Variants in CREBBP observed in about 807,000 individuals in gnomAD.
CREBBP encodes CREB-binding protein.
In CREBBP, 19 loss-of-function variants were observed where a neutral mutation model predicts 265.0. The observed-to-expected ratio is 0.07, with a 90% CI of 0.05 to 0.11. The LOEUF is 0.11. CREBBP is among the 10% of genes least tolerant of loss of function. The pLI, the probability that CREBBP is intolerant of heterozygous loss-of-function variation, is 1.00. For synonymous variants in CREBBP, 1,457 were observed against 1,223.7 expected, an observed-to-expected ratio of 1.19 and a Z score of -3.98; for missense variants, 2,525 against 3,219.0, an observed-to-expected ratio of 0.78 and a Z score of 5.22.
chr16:3,727,360 A>T lies in CREBBP; in HGVS notation c.*358T>A. The T allele has an allele frequency of 3.7e-6, 1 of 271,274 alleles. No individual in the cohort carries two copies. 16.8% of individuals were successfully genotyped at this position (271,274 alleles called of 1,614,324 possible). ...TGTTTAAAGTCTTGAAAATACAAAT[A>T]AAAAATATGAATATAATGAACTTGT... On this transcript the variant is annotated 3_prime_UTR_variant, in exon 31 of 31. Coordinates refer to ENST00000262367, the MANE Select transcript of CREBBP (RefSeq NM_004380.3).
chr16:3,735,978 G>A, intron 28 of CREBBP, 58 bp downstream of exon 28: 2 of 1,613,846 alleles, frequency 1.2e-6, no homozygotes, highest in Non-Finnish European at 8.5e-7. Context: ...CTCCCAGCCT[G>A]CCACCCTGCA....
chr16:3,796,634 A>G (rs1381339957), intron 3 of CREBBP, among the ~76,000 whole-genome samples: 39 of 151,964 alleles, frequency 2.6e-4, no homozygotes, highest in Admixed American at 2.6e-3. Context: ...AGACCGGCAC[A>G]CCTCAGCCTC....
rs2151308105 is a variant in CREBBP at position 3,729,242 on chromosome 16, T to G, written c.5805A>C (p.Thr1935=). The change falls in exon 31 of 31, where the codon ACA becomes ACC. Residue 1935 remains threonine (T), a synonymous_variant. Coordinates refer to ENST00000262367, the MANE Select transcript of CREBBP (RefSeq NM_004380.3). ...ARTQPPTTVS[T]GKPTSQVPAP... The stretch of plus-strand genomic sequence containing the variant: ...CCGGCACCTGGCTGGTAGGCTTCCC[T>G]GTGGACACCGTGGTGGGGGGCTGAG... 6.5e-7 allele frequency: 1 copy of G among 1,527,324 alleles called. No homozygotes were observed. The highest frequency in any genetic ancestry group is 8.8e-7 in the Non-Finnish European group (1 of 1,142,644). The allele number at this position is 1,527,324 out of a possible 1,614,324, so 94.6% of individuals were successfully genotyped here. A position where few individuals can be genotyped will look rare whatever the true frequency, so the allele number is the denominator to read the frequency against.
chr16:3,819,689 G>T (rs570280867), intron 2 of CREBBP, among the ~76,000 whole-genome samples: 16 of 152,122 alleles, frequency 1.1e-4, no homozygotes, highest in Non-Finnish European at 2.2e-4. Context: ...AATCATAAGC[G>T]TTTCCAGTTT....
chr16:3,791,811 G>C (rs1422328891), intron 5 of CREBBP, among the ~76,000 whole-genome samples, 170 bp downstream of exon 5: 1 of 152,166 alleles, frequency 6.6e-6, no homozygotes, highest in Non-Finnish European at 1.5e-5. Context: ...CTGACACGGA[G>C]AGCCCGCCTG....
chr16:3,828,978 T>C (rs528944510), intron 2 of CREBBP, among the ~76,000 whole-genome samples: 3 of 152,188 alleles, frequency 2.0e-5, no homozygotes, highest in African/African-American at 7.2e-5. Flanking sequence ...AGAATAAATA[T>C]AGTAATTGTT....
At chr16:3,871,167 T>A (rs940777871) in intron 1 of CREBBP, among the ~76,000 whole-genome samples, 2 of 148,454 alleles carry the variant, frequency 1.3e-5, no homozygotes, top group Non-Finnish European at 3.0e-5. Context: ...AAAAGCCCCT[T>A]TTAGAGATCT....
chr16:3,801,969 C>G (rs1405656600), intron 3 of CREBBP, among the ~76,000 whole-genome samples: 3 of 152,034 alleles, frequency 2.0e-5, no homozygotes, highest in African/African-American at 7.2e-5. Context: ...GCCCACTCAC[C>G]CCACCCATCA....
In CREBBP at chr16:3,731,356, G is replaced by C; in HGVS notation, c.5008C>G (p.Leu1670Val). 1 of 1,613,792 alleles carries C rather than the reference G, an allele frequency of 6.2e-7. No individual in the cohort carries two copies. The highest frequency in any genetic ancestry group is 8.5e-7 in the Non-Finnish European group (1 of 1,179,882). ...AACTCCCAGTGCTTGTCTCTGGCGA[G>C]GGTGAGGAAGGCGTCGCGCCCATCC... ...LMDGRDAFLT[L>V]ARDKHWEFSS... The change falls in exon 30 of 31, where the codon CTC becomes GTC. Residue 1670 changes from leucine to valine, a missense_variant. Coordinates refer to ENST00000262367, the MANE Select transcript of CREBBP (RefSeq NM_004380.3). This position sits in a 1 kb window ranked among gnomAD's most constrained non-coding sequence, Gnocchi z 7.7.
chr16:3,783,897 C>G lies in CREBBP; in HGVS notation c.1331-971G>C, dbSNP rs75101326. Among the ~76,000 whole-genome samples the G allele has an allele frequency of 1.1e-3, 173 of 152,324 alleles. No homozygotes were observed. The East Asian group carries it at 0.021, about 18-fold the overall frequency. On this transcript the variant is annotated intron_variant, in intron 5 of 30. Coordinates refer to ENST00000262367, the MANE Select transcript of CREBBP (RefSeq NM_004380.3). ...CAAACTTGCATCAACTTGGACATTTCAAGGTCAATTCATCTACCCACCTAC... is the reference window on the plus strand; with the variant it reads ...CAAACTTGCATCAACTTGGACATTTGAAGGTCAATTCATCTACCCACCTAC...
At chr16:3,823,957 A>AAC (rs57902688) in intron 2 of CREBBP, among the ~76,000 whole-genome samples, 4,427 of 148,088 alleles carry the variant, frequency 0.03, 190 homozygotes, top group African/African-American at 0.094. Context: ...AGGCTGTGGC[A>AAC]ACACACACAC....
At chr16:3,773,624 G>A in intron 13 of CREBBP, 127 bp downstream of exon 13, 2 of 990,096 alleles carry the variant, frequency 2.0e-6, no homozygotes, top group Non-Finnish European at 3.0e-6. Context: ...AAGAGAAGCT[G>A]ATACAAAGAC....
chr16:3,817,792 G>C (rs1218215566), intron 2 of CREBBP, among the ~76,000 whole-genome samples: 1 of 152,216 alleles, frequency 6.6e-6, no homozygotes, highest in Non-Finnish European at 1.5e-5. Context: ...GGGAGGCAAT[G>C]GGCCAGGCAG....
rs2054814255 is a variant in CREBBP at position 3,850,682 on chromosome 16, G to A, written c.413C>T (p.Ala138Val). 6.2e-7 allele frequency: 1 copy of A among 1,614,130 alleles called. No individual in the cohort carries two copies. The highest frequency in any genetic ancestry group is 8.5e-7 in the Non-Finnish European group (1 of 1,180,048). Residue 138 changes from alanine to valine, a missense_variant, in exon 2 of 31, where the codon GCC (alanine) becomes GTC (valine). Physicochemically the swap from Ala to Val is moderately conservative, Grantham distance 64. Coordinates refer to ENST00000262367, the MANE Select transcript of CREBBP (RefSeq NM_004380.3). ...AGCGGGGGTGGGCCCAGAGGTGCTG[G>A]CTGCCTGTTTAGGCAGGCTGGGGGC... ...SSAPSLPKQA[A>V]STSGPTPAAS...
chr16:3,859,255 C>T (rs143620447), intron 1 of CREBBP, among the ~76,000 whole-genome samples: 2 of 151,870 alleles, frequency 1.3e-5, no homozygotes, highest in Non-Finnish European at 2.9e-5. Context: ...TGCAGTGGCA[C>T]GATCTTGGCT....
chr16:3,781,222 G>T lies in CREBBP; in HGVS notation c.1658C>A (p.Thr553Asn). Residue 553 changes from threonine (T) to asparagine (N), a missense_variant, in exon 7 of 31, where the codon ACT (threonine) becomes AAT (asparagine). Physicochemically the swap from Thr to Asn is moderately conservative, Grantham distance 65 (BLOSUM62 0). Coordinates refer to ENST00000262367, the MANE Select transcript of CREBBP (RefSeq NM_004380.3). Reference protein sequence around the residue: ...PNLISESALPTSLGATNPLMN... With the variant: ...PNLISESALPNSLGATNPLMN... ...GTCTTACTTTGTGGCCCCCAGGGAAGTCGGAAGAGCTGATTCTGAAATCAA... is the reference window on the plus strand; with the variant it reads ...GTCTTACTTTGTGGCCCCCAGGGAATTCGGAAGAGCTGATTCTGAAATCAA... 6.2e-7 allele frequency: 1 copy of T among 1,614,014 alleles called. No homozygotes were observed. Among genetic ancestry groups the T allele is most frequent in the Non-Finnish European group, 8.5e-7 (1 of 1,179,896 alleles).
chr16:3,821,117 C>T (rs2054133628), intron 2 of CREBBP, among the ~76,000 whole-genome samples: 1 of 152,172 alleles, frequency 6.6e-6, no homozygotes, highest in South Asian at 2.1e-4. Flanking sequence ...ACCTCTTGGT[C>T]CCTCAGTTTT....
At chr16:3,782,662 A>C in intron 6 of CREBBP, 22 bp downstream of exon 6, 5 of 1,613,462 alleles carry the variant, frequency 3.1e-6, no homozygotes, top group Non-Finnish European at 3.4e-6. Context: ...GTAAGAACGA[A>C]GTTGAGAGTT....
At chr16:3,772,328 A>ACACACACAC (rs2053032131) in intron 13 of CREBBP, among the ~76,000 whole-genome samples, 1 of 145,258 alleles carries the variant, frequency 6.9e-6, no homozygotes, top group African/African-American at 2.6e-5. Flanking sequence ...CTGAAACACA[A>ACACACACAC]ACACACACAC....
Sources: gnomAD v4.1 joint callset for allele counts (sites outside exome capture counted in the v4.1 genomes callset) on GRCh38, gnomAD v4.1.1 for gene constraint, Gnocchi (gnomAD v3.1) non-coding constraint, MANE v1.5 for transcripts, NCBI Gene and HGNC (gene_info 2026-07-23, HGNC 2026-07-21) for gene names.